Variants in PAPSS1 observed in about 807,000 individuals in gnomAD.
PAPSS1 encodes the protein 3'-phosphoadenosine 5'-phosphosulfate synthase 1, also known as bifunctional 3'-phosphoadenosine 5'-phosphosulfate synthase 1.
In PAPSS1, 50 loss-of-function variants were observed where a neutral mutation model predicts 72.0. That is an observed-to-expected ratio of 0.69 (90% CI 0.55 to 0.88). The LOEUF is 0.88. PAPSS1 is among the 40% of genes least tolerant of loss of function. PAPSS1 has a pLI of 0.00. For missense variants in PAPSS1, 657 were observed against 782.2 expected (o/e 0.84, Z 1.91); for synonymous variants, 261 against 263.6 (o/e 0.99, Z 0.09).
intron 11 of PAPSS1, among the ~76,000 whole-genome samples, chr4:107,619,282 T>C (rs1725899128): frequency 6.6e-6 from 1 of 152,194 alleles, no homozygotes; most frequent in East Asian, 1.9e-4. Context: ...CCTGGGTACC[T>C]CTTGTCCTGA....
At chr4:107,646,666 C>A (rs1726704832) in intron 9 of PAPSS1, among the ~76,000 whole-genome samples, 1 of 152,162 alleles carries the variant, frequency 6.6e-6, no homozygotes, top group Non-Finnish European at 1.5e-5. Flanking sequence ...CACACTATGA[C>A]AACAGCAAGA....
chr4:107,638,312 A>T (rs1726441218), intron 10 of PAPSS1, among the ~76,000 whole-genome samples: 1 of 152,230 alleles, frequency 6.6e-6, no homozygotes, highest in Admixed American at 6.5e-5. Flanking sequence ...GCTGAAAGGC[A>T]GTCTACATCA....
intron 6 of PAPSS1, among the ~76,000 whole-genome samples, chr4:107,659,206 T>C (rs1325994070): frequency 6.6e-6 from 1 of 152,224 alleles, no homozygotes; most frequent in Non-Finnish European, 1.5e-5. Flanking sequence ...ACAGAAAGTG[T>C]ACCAATATAA....
intron 1 of PAPSS1, 136 bp from the exon 2 acceptor site, chr4:107,701,421 T>C (rs1723203531): frequency 3.5e-6 from 2 of 568,700 alleles, no homozygotes; most frequent in Non-Finnish European, 6.1e-6. Context: ...TTTTTTTTCC[T>C]TAGAGTACTG....
rs748627334 is a variant in PAPSS1, at chr4:107,720,211, T to G, written c.-32A>C. ...GGAGCGCGCTGAGCAGCCGGGGTTC[T>G]CTGCGCCGGGAGGGTAGCAAGAGGA... On this transcript the variant is annotated 5_prime_UTR_variant, in exon 1 of 12. Transcript: ENST00000265174. 3.1e-6 allele frequency: 5 copies of G among 1,590,924 alleles called. No individual in the cohort carries two copies. In the African/African-American group the frequency reaches 6.9e-5, roughly 22 times the overall value.
At chr4:107,631,609 G>C in intron 11 of PAPSS1, 22 bp downstream of exon 11, 1 of 1,542,012 alleles carries the variant, frequency 6.5e-7, no homozygotes. Flanking sequence ...TCAAAGATTT[G>C]TACAGAGAAT....
chr4:107,667,590 T>C (rs1008022115), intron 5 of PAPSS1, among the ~76,000 whole-genome samples: 11 of 152,164 alleles, frequency 7.2e-5, no homozygotes, highest in Non-Finnish European at 1.6e-4. Flanking sequence ...TACCAGATGA[T>C]ATCAGAGATC....
intron 4 of PAPSS1, among the ~76,000 whole-genome samples, chr4:107,683,387 A>C (rs1309904783): frequency 6.6e-6 from 1 of 152,200 alleles, no homozygotes; most frequent in Non-Finnish European, 1.5e-5. Context: ...AATTCTGATT[A>C]AGAACACTAA....
At chr4:107,663,812 T>C (rs1727248813) in intron 5 of PAPSS1, among the ~76,000 whole-genome samples, 1 of 152,168 alleles carries the variant, frequency 6.6e-6, no homozygotes. Context: ...CGAATTGAAG[T>C]CCAAGAAATT....
intron 6 of PAPSS1, among the ~76,000 whole-genome samples, chr4:107,658,700 G>T (rs2726203): frequency 0.64 from 97,663 of 151,972 alleles, 32,296 homozygotes; most frequent in African/African-American, 0.81. Flanking sequence ...AAAAAAATTG[G>T]ATTCATGAAG....
chr4:107,675,026 T>G (rs9715305), intron 5 of PAPSS1, among the ~76,000 whole-genome samples: 27,250 of 151,750 alleles, frequency 0.18, 2,926 homozygotes, highest in East Asian at 0.37. Flanking sequence ...TGGGACACAT[T>G]CAAAGCAGTG....
At chr4:107,673,288 A>G (rs1322437012) in intron 5 of PAPSS1, among the ~76,000 whole-genome samples, 2 of 152,196 alleles carry the variant, frequency 1.3e-5, no homozygotes, top group Non-Finnish European at 2.9e-5. Context: ...GTTCAAACCC[A>G]TGGCAAAGAA....
At chr4:107,664,495 G>A (rs115647976) in intron 5 of PAPSS1, among the ~76,000 whole-genome samples, 5,684 of 152,200 alleles carry the variant, frequency 0.037, 158 homozygotes, top group Middle Eastern at 0.065. Context: ...CCAGGCACAG[G>A]GCTGGGACTG....
intron 1 of PAPSS1, among the ~76,000 whole-genome samples, chr4:107,713,953 T>C (rs1400181471): frequency 6.6e-6 from 1 of 152,138 alleles, no homozygotes; most frequent in East Asian, 1.9e-4. Context: ...TTAACAACTG[T>C]GTCTTTAGGA....
At chr4:107,652,793 A>G (rs1726882056) in intron 9 of PAPSS1, among the ~76,000 whole-genome samples, 1 of 152,146 alleles carries the variant, frequency 6.6e-6, no homozygotes, top group Non-Finnish European at 1.5e-5. Context: ...TACTTCTGTA[A>G]TTCTATACCA....
chr4:107,616,108 G>A (rs1725816852), intron 11 of PAPSS1, among the ~76,000 whole-genome samples: 1 of 151,636 alleles, frequency 6.6e-6, no homozygotes, highest in Non-Finnish European at 1.5e-5. Flanking sequence ...GAGTGTGTGT[G>A]CACATAAAGA....
intron 3 of PAPSS1, among the ~76,000 whole-genome samples, chr4:107,693,280 G>C (rs150914348): frequency 1.1e-3 from 161 of 152,286 alleles, no homozygotes; most frequent in Non-Finnish European, 1.8e-3. Flanking sequence ...AAAATCCTGA[G>C]ATAAGAAATG....
intron 1 of PAPSS1, chr4:107,718,402 G>T (rs1459003428): frequency 1.3e-5 from 2 of 152,088 alleles, no homozygotes; most frequent in African/African-American, 4.8e-5. Context: ...TGTTTCTGGA[G>T]TAAAAAAAAT....
Position 107,629,688 on chromosome 4 carries a change from GGTCCA to G in PAPSS1, c.1736+1938_1736+1942del, listed in dbSNP as rs1242559261. On this transcript the variant is annotated intron_variant, in intron 11 of 11. Coordinates refer to ENST00000265174, the MANE Select transcript of PAPSS1 (RefSeq NM_005443.5). ...GCAATGACTACTAAGAGGCAGAAGT[GGTCCA>G]GTCAAAGCAAAAGTGAACCAGTCAA... is the stretch of plus-strand genomic sequence containing the variant. Among the ~76,000 whole-genome samples the G allele has an allele frequency of 4.6e-5, 7 of 152,244 alleles. No individual in the cohort carries two copies. The South Asian group carries it at 8.3e-4, about 18-fold the overall frequency.
Sources: allele counts gnomAD v4.1 joint callset (sites outside exome capture counted in the v4.1 genomes callset), GRCh38; gene constraint gnomAD v4.1.1; transcripts MANE v1.5; gene names NCBI Gene and HGNC (gene_info 2026-07-23, HGNC 2026-07-21).